The following CLVS2 variants were observed in gnomAD, a reference collection of about 807,000 sequenced individuals.
The protein encoded by CLVS2 is clavesin-2.
Under a neutral mutation model 29.0 loss-of-function variants are expected in CLVS2, and 19 were observed. The ratio of observed to expected loss-of-function variants is 0.66; its 90% CI spans 0.46 to 0.96. The LOEUF is 0.96. Ranked by LOEUF, CLVS2 falls within the 40% of genes least tolerant of loss-of-function variation. The pLI is 0.00. For missense variants in CLVS2, 294 were observed against 404.1 expected, an observed-to-expected ratio of 0.73 and a Z score of 2.34; for synonymous variants, 161 against 151.3, an observed-to-expected ratio of 1.06 and a Z score of -0.47.
At chr6:123,046,574 G>A (rs540910114) in intron 3 of CLVS2, among the ~76,000 whole-genome samples, 1 of 151,758 alleles carries the variant, frequency 6.6e-6, no homozygotes, top group East Asian at 1.9e-4. Context: ...CAGGAGAATC[G>A]CTTGAACCTG....
chr6:123,048,535 A>G, intron 3 of CLVS2, 87 bp from the exon 4 acceptor site: 1 of 846,302 alleles, frequency 1.2e-6, no homozygotes, highest in Non-Finnish European at 2.0e-6. Context: ...ATGTGAAAGA[A>G]TAAATTTGTA....
chr6:123,045,851 A>G (rs897122576), intron 3 of CLVS2, among the ~76,000 whole-genome samples: 2 of 152,194 alleles, frequency 1.3e-5, no homozygotes, highest in African/African-American at 4.8e-5. Flanking sequence ...ATGAGTGAGA[A>G]GTGAGAGAAG....
rs1157241073 is a variant in CLVS2 at position 123,072,386 on chromosome 6, G to A, written c.*8625G>A. The A allele has an allele frequency of 6.6e-6, 1 of 152,032 alleles. No homozygotes were observed. Among genetic ancestry groups the A allele is most frequent in the Admixed American group, 6.6e-5 (1 of 15,238 alleles). The allele number at this position is 152,032 out of a possible 1,614,324, so 9.4% of individuals were successfully genotyped here. A position where few individuals can be genotyped will look rare whatever the true frequency, so the allele number is the denominator to read the frequency against. ...CTCTTTGTGTGCTATGTAGGACATT[G>A]TTAACCAATATAGATTATGTTTCTT... is the stretch of plus-strand genomic sequence containing the variant. On this transcript the variant is annotated 3_prime_UTR_variant, in exon 6 of 6. Coordinates refer to ENST00000275162, the MANE Select transcript of CLVS2 (RefSeq NM_001010852.4).
chr6:123,040,586 A>G (rs1435469403), intron 3 of CLVS2, among the ~76,000 whole-genome samples: 1 of 152,186 alleles, frequency 6.6e-6, no homozygotes, highest in Non-Finnish European at 1.5e-5. Flanking sequence ...TGAGGTCAGG[A>G]GTTCAAGACC....
chr6:123,057,331 CTTCTTTTTTTTTTT>C lies in CLVS2; in HGVS notation c.896+1308_896+1321del, dbSNP rs1772706550. On this transcript the variant is annotated intron_variant, in intron 5 of 5. Transcript: ENST00000275162. ...AATGTGCCTGTTCTTTAAGGATGGT[CTTCTTTTTTTTTTT>C]TTTTTTTTTTTTTTTTTTTTGAGAT... Among the ~76,000 whole-genome samples the C allele has an allele frequency of 6.0e-5, 6 of 99,284 alleles. No homozygotes were observed. In the South Asian group the frequency reaches 1.8e-3, roughly 29 times the overall value. The allele number at this position is 99,284 out of a possible 152,430, so 65.1% of individuals were successfully genotyped here. A position where few individuals can be genotyped will look rare whatever the true frequency, so the allele number is the denominator to read the frequency against.
chr6:123,049,393 T>C (rs1772569497), intron 4 of CLVS2, among the ~76,000 whole-genome samples: 3 of 152,192 alleles, frequency 2.0e-5, no homozygotes, highest in Admixed American at 2.0e-4. Flanking sequence ...ACATTATTTT[T>C]ATTAAAATAA....
At chr6:123,035,266 A>AT (rs1333891630) in intron 3 of CLVS2, among the ~76,000 whole-genome samples, 11 of 151,480 alleles carry the variant, frequency 7.3e-5, no homozygotes, top group Non-Finnish European at 1.3e-4. Flanking sequence ...TCATGTGAGG[A>AT]TTTTTTTAGG....
At chr6:123,035,680 T>C (rs1261948474) in intron 3 of CLVS2, among the ~76,000 whole-genome samples, 1 of 151,936 alleles carries the variant, frequency 6.6e-6, no homozygotes, top group Admixed American at 6.6e-5. Context: ...TTGAACCAGG[T>C]TTTTTTTCTA....
chr6:123,061,886 A>G (rs185004674), intron 5 of CLVS2, among the ~76,000 whole-genome samples: 2 of 152,180 alleles, frequency 1.3e-5, no homozygotes, highest in East Asian at 3.9e-4. Context: ...TAATTTTATG[A>G]AAAATTTAAA....
chr6:123,006,529 TAGAA>T (rs1774671455), intron 2 of CLVS2, among the ~76,000 whole-genome samples: 1 of 151,960 alleles, frequency 6.6e-6, no homozygotes, highest in Admixed American at 6.6e-5. Context: ...AGGACTCTAG[TAGAA>T]AGAGTTAGAT....
chr6:123,031,435 C>G (rs1436857651), intron 3 of CLVS2, among the ~76,000 whole-genome samples: 1 of 152,144 alleles, frequency 6.6e-6, no homozygotes, highest in Non-Finnish European at 1.5e-5. Context: ...CTGGAGGTCT[C>G]ATGTACAGCA....
In CLVS2 at chr6:123,058,014, T is replaced by A. The variant is rs959405128; in HGVS notation, c.896+1988T>A. Among the ~76,000 whole-genome samples the A allele has an allele frequency of 2.6e-5, 4 of 152,208 alleles. No homozygotes were observed. The East Asian group carries it at 7.7e-4, about 29-fold the overall frequency. ...GAAGTCATATATTTCATCAAATTAT[T>A]TGAAAGTTTTTAAAAACAAAAGTGG... On this transcript the variant is annotated intron_variant, in intron 5 of 5. Coordinates refer to ENST00000275162, the MANE Select transcript of CLVS2 (RefSeq NM_001010852.4).
rs1255096195 is a variant in CLVS2 at position 123,067,773 on chromosome 6, C to T, written c.*4012C>T. The T allele has an allele frequency of 6.6e-6, 1 of 151,636 alleles. No individual in the cohort carries two copies. Among genetic ancestry groups the T allele is most frequent in the African/African-American group, 2.4e-5 (1 of 41,360 alleles). The allele number at this position is 151,636 out of a possible 1,614,324, so 9.4% of individuals were successfully genotyped here. A position where few individuals can be genotyped will look rare whatever the true frequency, so the allele number is the denominator to read the frequency against. ...CATACAAGAAGAGGCAGATTATAAA[C>T]CAACATATTGGAACAAAAGAAGATT... On this transcript the variant is annotated 3_prime_UTR_variant, in exon 6 of 6. Transcript: ENST00000275162.
chr6:123,055,659 T>C (rs1582664747), intron 4 of CLVS2, 147 bp from the exon 5 acceptor site: 1 of 633,550 alleles, frequency 1.6e-6, no homozygotes, highest in East Asian at 2.7e-5. Context: ...CTGCCTGTTT[T>C]ACAGAGTAGA....
intron 2 of CLVS2, among the ~76,000 whole-genome samples, chr6:123,010,374 C>T (rs1383589532): frequency 6.6e-6 from 1 of 151,818 alleles, no homozygotes; most frequent in Admixed American, 6.6e-5. Flanking sequence ...AAACAAAACA[C>T]AACAAAAAAA....
chr6:123,067,897 G>A lies in CLVS2; in HGVS notation c.*4136G>A, dbSNP rs780738350. ...TAGTTGAAAAAATAGCTTCCCATAT[G>A]CTACTGGAACTATTTGACATTATTT... On this transcript the variant is annotated 3_prime_UTR_variant, in exon 6 of 6. Coordinates refer to ENST00000275162, the MANE Select transcript of CLVS2 (RefSeq NM_001010852.4). 6.6e-6 allele frequency: 1 copy of A among 151,642 alleles called. No homozygotes were observed. Among genetic ancestry groups the A allele is most frequent in the Non-Finnish European group, 1.5e-5 (1 of 67,700 alleles). 9.4% of individuals were successfully genotyped at this position (151,642 alleles called of 1,614,324 possible).
intron 5 of CLVS2, among the ~76,000 whole-genome samples, chr6:123,062,473 T>C (rs940898462): frequency 2.6e-5 from 4 of 152,000 alleles, no homozygotes; most frequent in African/African-American, 7.2e-5. Flanking sequence ...CACACAACTT[T>C]AGCAAGTCTT....
At position 122,996,334 on chromosome 6, in the gene CLVS2, G is replaced by A; in HGVS notation, c.-972G>A. ...GAGCCCCAGGAGAGGCCAGCGCCGC[G>A]CAGCAGCCGCCCCGCTGCGCCCACC... On this transcript the variant is annotated 5_prime_UTR_variant, in exon 1 of 6. Transcript: ENST00000275162. 1 of 152,524 alleles carries A rather than the reference G, an allele frequency of 6.6e-6. No homozygotes were observed. The highest frequency in any genetic ancestry group is 1.5e-5 in the Non-Finnish European group (1 of 68,248). The allele number at this position is 152,524 out of a possible 1,614,324, so 9.4% of individuals were successfully genotyped here.
chr6:123,072,375 T>C lies in CLVS2; in HGVS notation c.*8614T>C, dbSNP rs992300083. ...GGGTTTTATTCCTCTTTGTGTGCTA[T>C]GTAGGACATTGTTAACCAATATAGA... On this transcript the variant is annotated 3_prime_UTR_variant, in exon 6 of 6. Coordinates refer to ENST00000275162, the MANE Select transcript of CLVS2 (RefSeq NM_001010852.4). 1 of 152,116 alleles carries C rather than the reference T, an allele frequency of 6.6e-6. No individual in the cohort carries two copies. The highest frequency in any genetic ancestry group is 2.4e-5 in the African/African-American group (1 of 41,448). The allele number at this position is 152,116 out of a possible 1,614,324, so 9.4% of individuals were successfully genotyped here.
Sources: gnomAD v4.1 joint callset for allele counts (sites outside exome capture counted in the v4.1 genomes callset) on GRCh38, gnomAD v4.1.1 for gene constraint, MANE v1.5 for transcripts, NCBI Gene and HGNC (gene_info 2026-07-23, HGNC 2026-07-21) for gene names.